The following ABCC2 variants were observed in gnomAD, a reference collection of about 807,000 sequenced individuals.
ABCC2 encodes ATP-binding cassette sub-family C member 2.
In ABCC2, 157 loss-of-function variants were observed where a neutral mutation model predicts 173.4. The ratio of observed to expected loss-of-function variants is 0.91; its 90% confidence interval spans 0.80 to 1.03. The LOEUF is 1.03. Ranked by LOEUF, ABCC2 falls within the 50% of genes least tolerant of loss-of-function variation. The pLI is 0.00. For synonymous variants in ABCC2, 657 were observed against 693.5 expected (o/e 0.95, Z 0.83); for missense variants, 1,822 against 1,852.3 (o/e 0.98, Z 0.30).
intron 25 of ABCC2, among the ~76,000 whole-genome samples, chr10:99,837,450 TC>T (rs2038846002): frequency 1.3e-4 from 2 of 15,598 alleles, no homozygotes; most frequent in South Asian, 1.3e-3. Context: ...GAAAGTCCAT[TC>T]TTTTTTTTCT....
chr10:99,842,132 C>T, intron 26 of ABCC2, 39 bp downstream of exon 26: 1 of 1,613,368 alleles, frequency 6.2e-7, no homozygotes, highest in Non-Finnish European at 8.5e-7. Flanking sequence ...CGTTAGTGTG[C>T]TTATTCTTAA....
chr10:99,814,163 G>GTGTATATATACACT (rs1564683325), intron 16 of ABCC2, among the ~76,000 whole-genome samples: 1,548 of 35,032 alleles, frequency 0.044, 428 homozygotes, highest in Middle Eastern at 0.11. Flanking sequence ...GTATACACAC[G>GTGTATATATACACT]TATATATACA....
chr10:99,799,467 AT>A, intron 8 of ABCC2, 97 bp downstream of exon 8: 1 of 1,415,594 alleles, frequency 7.1e-7, no homozygotes, highest in Non-Finnish European at 9.9e-7. Flanking sequence ...TTAAATTCCC[AT>A]TTTTTAAAAA....
intron 21 of ABCC2, 67 bp downstream of exon 21, chr10:99,830,918 T>C: frequency 6.3e-7 from 1 of 1,586,352 alleles, no homozygotes; most frequent in South Asian, 1.1e-5. Flanking sequence ...TTTTTAACGT[T>C]CAGTGAAAAT....
intron 9 of ABCC2, among the ~76,000 whole-genome samples, chr10:99,801,401 T>TA (rs1346297450): frequency 6.6e-6 from 1 of 152,070 alleles, no homozygotes; most frequent in African/African-American, 2.4e-5. Context: ...CACGCCCGGC[T>TA]AATTTTTTGT....
intron 7 of ABCC2, 90 bp from the exon 8 acceptor site, chr10:99,799,117 C>A: frequency 1.4e-6 from 2 of 1,456,188 alleles, no homozygotes; most frequent in African/African-American, 1.4e-5. Flanking sequence ...ACAGAGAAGG[C>A]CACGGGGCTC....
chr10:99,829,750 C>T (rs775278125), intron 19 of ABCC2, among the ~76,000 whole-genome samples: 17 of 152,098 alleles, frequency 1.1e-4, no homozygotes, highest in Non-Finnish European at 2.2e-4. Flanking sequence ...CCTCAGCCTC[C>T]CAAGTAGCTG....
intron 20 of ABCC2, 122 bp from the exon 21 acceptor site, chr10:99,830,593 GT>G: frequency 1.3e-6 from 2 of 1,568,006 alleles, no homozygotes; most frequent in Non-Finnish European, 1.8e-6. Flanking sequence ...TCGGGGTTGT[GT>G]CAGTTTCCCC....
At chr10:99,833,565 G>A (rs954332829) in intron 23 of ABCC2, among the ~76,000 whole-genome samples, 13 of 152,114 alleles carry the variant, frequency 8.5e-5, no homozygotes, top group African/African-American at 2.7e-4. Flanking sequence ...TGCCAGGTAA[G>A]GATCAAAAGT....
intron 24 of ABCC2, among the ~76,000 whole-genome samples, chr10:99,835,410 C>T (rs991539653): frequency 4.6e-5 from 7 of 152,130 alleles, no homozygotes; most frequent in East Asian, 1.9e-4. Context: ...GTCTCTCCAA[C>T]GCCCCACTCT....
chr10:99,824,478 A>C (rs2038593396), intron 19 of ABCC2, among the ~76,000 whole-genome samples: 1 of 152,174 alleles, frequency 6.6e-6, no homozygotes, highest in African/African-American at 2.4e-5. Context: ...ATAATGAATA[A>C]TATAACAGTC....
intron 2 of ABCC2, among the ~76,000 whole-genome samples, chr10:99,785,055 A>T (rs2037682448): frequency 6.6e-6 from 1 of 152,362 alleles, no homozygotes; most frequent in East Asian, 1.9e-4. Flanking sequence ...AATTATCTTT[A>T]TAGCATTTGA....
Position 99,850,810 on chromosome 10 carries a change from G to C in ABCC2, c.4508+14G>C. ...GGACAGTGACAAGTGAGTGTAGGGGGACAGGGCTTGACACGGATGGCTTAA... is the reference window on the plus strand; with the variant it reads ...GGACAGTGACAAGTGAGTGTAGGGGCACAGGGCTTGACACGGATGGCTTAA... On this transcript the variant is annotated intron_variant, in intron 31 of 31. Transcript: ENST00000647814. 6.2e-7 allele frequency: 1 copy of C among 1,613,990 alleles called. No homozygotes were observed. The highest frequency in any genetic ancestry group is 8.5e-7 in the Non-Finnish European group (1 of 1,179,898).
chr10:99,836,377 G>A (rs2133125129), intron 25 of ABCC2, 87 bp downstream of exon 25: 3 of 1,379,756 alleles, frequency 2.2e-6, no homozygotes, highest in East Asian at 4.6e-5. Context: ...GGCATGGCTA[G>A]TGGTGTGAAA....
In ABCC2 at chr10:99,784,746, A is replaced by C; in HGVS notation, c.172A>C (p.Arg58=). ...LLHVYKSRTK[R]SSTTKLYLAK... The stretch of plus-strand genomic sequence containing the variant: ...CCACGTGTATAAATCCAGGACCAAG[A>C]GATCCTCTACCACCAAACTCTATCT... The change falls in exon 2 of 32, where the codon AGA becomes CGA. Residue 58 remains arginine (R), a synonymous_variant. Transcript: ENST00000647814. 1 of 1,614,126 alleles carries C rather than the reference A, an allele frequency of 6.2e-7. No individual in the cohort carries two copies. The highest frequency in any genetic ancestry group is 1.6e-4 in the Middle Eastern group (1 of 6,062).
chr10:99,798,531 C>T lies in ABCC2; in HGVS notation c.868-676C>T, dbSNP rs896771482. The stretch of plus-strand genomic sequence containing the variant: ...GAAGTCAAGATATCAGACTCGCTCC[C>T]GCTGAAACCTGGAGGGGAAAATCCT... On this transcript the variant is annotated intron_variant, in intron 7 of 31. Coordinates refer to ENST00000647814, the MANE Select transcript of ABCC2 (RefSeq NM_000392.5). Among the ~76,000 whole-genome samples, 5 of 152,294 alleles carry T rather than the reference C, an allele frequency of 3.3e-5. No individual in the cohort carries two copies. In the East Asian group the frequency reaches 7.7e-4, roughly 24 times the overall value.
At position 99,817,302 on chromosome 10, in the gene ABCC2, A is replaced by T; in HGVS notation, c.2095-6A>T. ...CTGTAACATGATCTGATCCTTTTTC[A>T]TCTAGGGCACCACTGCCTATGTCCC... On this transcript the variant is annotated splice_polypyrimidine_tract_variant and splice_region_variant and intron_variant, in intron 16 of 31. Coordinates refer to ENST00000647814, the MANE Select transcript of ABCC2 (RefSeq NM_000392.5). The T allele has an allele frequency of 6.2e-7, 1 of 1,614,034 alleles. No homozygotes were observed. Among genetic ancestry groups the T allele is most frequent in the East Asian group, 2.2e-5 (1 of 44,870 alleles).
Position 99,830,854 on chromosome 10 carries a change from G to A in ABCC2, c.2883+3G>A, listed in dbSNP as rs760087154. On this transcript the variant is annotated splice_donor_region_variant and intron_variant, in intron 21 of 31. Coordinates refer to ENST00000647814, the MANE Select transcript of ABCC2 (RefSeq NM_000392.5). ...AGGAATTCATAGAAACTGGAAAGGT[G>A]AACACCACACAGAAAAGTAGCATTT... 1.2e-6 allele frequency: 2 copies of A among 1,613,718 alleles called. No individual in the cohort carries two copies. Among genetic ancestry groups the A allele is most frequent in the East Asian group, 2.2e-5 (1 of 44,888 alleles).
chr10:99,834,556 G>A (rs770278039), intron 24 of ABCC2, 21 bp downstream of exon 24: 3 of 1,612,090 alleles, frequency 1.9e-6, no homozygotes, highest in Admixed American at 3.3e-5. Context: ...AAATGGCTAA[G>A]TCATCCTTCC....
Sources: allele counts gnomAD v4.1 joint callset (sites outside exome capture counted in the v4.1 genomes callset), GRCh38; gene constraint gnomAD v4.1.1; transcripts MANE v1.5; gene names NCBI Gene and HGNC (gene_info 2026-07-23, HGNC 2026-07-21).